Variants in ROCK1 observed in about 807,000 individuals in gnomAD.
ROCK1 encodes rho-associated protein kinase 1.
In ROCK1, 36 loss-of-function variants were observed where a neutral mutation model predicts 196.8. The observed-to-expected ratio is 0.18, with a 90% CI of 0.14 to 0.24. The LOEUF (loss-of-function observed/expected upper bound fraction) is 0.24, where lower values mean the gene tolerates loss of function less well. Ranked by LOEUF, ROCK1 falls within the 10% of genes least tolerant of loss-of-function variation. ROCK1 has a pLI of 1.00. For missense variants in ROCK1, 920 were observed against 1,562.0 expected (o/e 0.59, Z 6.93); for synonymous variants, 443 against 515.9 (o/e 0.86, Z 1.91).
chr18:20,996,407 C>T (rs1671258165), intron 16 of ROCK1, among the ~76,000 whole-genome samples: 1 of 152,002 alleles, frequency 6.6e-6, no homozygotes, highest in Admixed American at 6.6e-5. Flanking sequence ...ATGGAACATG[C>T]ATATAAGATC....
chr18:21,044,705 T>A (rs2036140111), intron 5 of ROCK1, among the ~76,000 whole-genome samples: 1 of 152,202 alleles, frequency 6.6e-6, no homozygotes, highest in Admixed American at 6.5e-5. Flanking sequence ...TCAAAGTGTT[T>A]AACTCCTGGC....
At chr18:21,060,827 G>A (rs1404097549) in intron 2 of ROCK1, among the ~76,000 whole-genome samples, 6 of 91,874 alleles carry the variant, frequency 6.5e-5, no homozygotes, top group South Asian at 3.6e-4. Context: ...CGAGAAGAGC[G>A]AAACTCCATC....
At chr18:21,062,069 T>C (rs1161983553) in intron 2 of ROCK1, among the ~76,000 whole-genome samples, 1 of 152,192 alleles carries the variant, frequency 6.6e-6, no homozygotes, top group African/African-American at 2.4e-5. Context: ...TGCATACATA[T>C]ATTTCCTAGC....
At chr18:20,968,586 A>G (rs1028752579) in intron 25 of ROCK1, 186 bp downstream of exon 25, 2 of 539,552 alleles carry the variant, frequency 3.7e-6, no homozygotes. Context: ...GATTACAGGC[A>G]TGAGCCACCG....
chr18:21,006,146 A>G (rs1034150060), intron 16 of ROCK1, among the ~76,000 whole-genome samples: 1 of 152,234 alleles, frequency 6.6e-6, no homozygotes, highest in African/African-American at 2.4e-5. Flanking sequence ...GACACACACA[A>G]CATGGATAAA....
At chr18:21,037,488 A>G (rs992481709) in intron 9 of ROCK1, among the ~76,000 whole-genome samples, 10 of 152,180 alleles carry the variant, frequency 6.6e-5, no homozygotes, top group African/African-American at 2.4e-4. Context: ...GTTCAGAATA[A>G]AAGAATTCTT....
intron 1 of ROCK1, among the ~76,000 whole-genome samples, chr18:21,109,920 G>A (rs1266358901): frequency 7.2e-5 from 11 of 152,000 alleles, no homozygotes; most frequent in African/African-American, 2.4e-4. Flanking sequence ...CATGCTCCCT[G>A]AAACCTTATT....
rs760939750 is a variant in ROCK1 at position 20,970,307 on chromosome 18, TTAAA to T, written c.2820+37_2820+40del. The T allele has an allele frequency of 4.0e-6, 6 of 1,515,160 alleles. No homozygotes were observed. The Admixed American group carries it at 5.1e-5, about 13-fold the overall frequency. 93.9% of individuals were successfully genotyped at this position (1,515,160 alleles called of 1,614,324 possible). A position where few individuals can be genotyped will look rare whatever the true frequency, so the allele number is the denominator to read the frequency against. ...ATTTTAAGATGTGACCTATTGTGAT[TTAAA>T]TAAATTTTATATAACTTACCTGACT... On this transcript the variant is annotated intron_variant, in intron 23 of 32. Transcript: ENST00000399799.
chr18:21,084,391 G>A (rs566682775), intron 1 of ROCK1, among the ~76,000 whole-genome samples: 15 of 152,066 alleles, frequency 9.9e-5, no homozygotes, highest in Admixed American at 2.0e-4. Context: ...AGATTATTAC[G>A]CAAAATATGT....
At chr18:21,096,248 G>A (rs2036612004) in intron 1 of ROCK1, among the ~76,000 whole-genome samples, 1 of 150,470 alleles carries the variant, frequency 6.6e-6, no homozygotes, top group South Asian at 2.1e-4. Context: ...CACACAGGCT[G>A]AAGTGCAGTG....
chr18:21,006,318 C>T (rs765988928), intron 16 of ROCK1, 33 bp downstream of exon 16: 44 of 1,518,184 alleles, frequency 2.9e-5, no homozygotes, highest in Non-Finnish European at 3.7e-5. Context: ...TTTCATGTTA[C>T]GTATATTTTA....
chr18:21,032,397 A>G (rs2036016274), intron 9 of ROCK1, among the ~76,000 whole-genome samples: 1 of 152,174 alleles, frequency 6.6e-6, no homozygotes, highest in Non-Finnish European at 1.5e-5. Flanking sequence ...GGAAAAGAAG[A>G]AGGAATCAAA....
chr18:21,053,835 G>GA (rs113993418), intron 2 of ROCK1, among the ~76,000 whole-genome samples: 1,531 of 150,174 alleles, frequency 0.01, 19 homozygotes, highest in African/African-American at 0.036. Flanking sequence ...TTAGGGGAGG[G>GA]AAAAAAAAAG....
At chr18:21,006,136 G>GAC (rs1001382016) in intron 16 of ROCK1, among the ~76,000 whole-genome samples, 16 of 152,264 alleles carry the variant, frequency 1.1e-4, no homozygotes, top group African/African-American at 3.6e-4. Flanking sequence ...AGGAAAATCT[G>GAC]ACACACACAA....
At chr18:21,029,161 T>TTATC (rs1341279307) in intron 9 of ROCK1, among the ~76,000 whole-genome samples, 3 of 152,162 alleles carry the variant, frequency 2.0e-5, no homozygotes, top group African/African-American at 7.2e-5. Context: ...TCACCTATAA[T>TTATC]TATCTATACC....
In ROCK1 at chr18:21,044,048, A is replaced by T; in HGVS notation, c.675+54T>A. The T allele has an allele frequency of 2.8e-6, 3 of 1,054,464 alleles. No homozygotes were observed. The South Asian group carries it at 4.0e-5, about 14-fold the overall frequency. The allele number at this position is 1,054,464 out of a possible 1,614,324, so 65.3% of individuals were successfully genotyped here. ...TAAAGAATTCTTAAACCATTTTCTA[A>T]AGAAGCATCTACCTTGAATTAGCAA... is the stretch of plus-strand genomic sequence containing the variant. On this transcript the variant is annotated intron_variant, in intron 6 of 32. Transcript: ENST00000399799.
At chr18:21,041,585 C>T (rs2036107361) in intron 8 of ROCK1, among the ~76,000 whole-genome samples, 1 of 151,852 alleles carries the variant, frequency 6.6e-6, no homozygotes, top group African/African-American at 2.4e-5. Context: ...ACTATTATGT[C>T]TAGAAGAAAA....
intron 18 of ROCK1, among the ~76,000 whole-genome samples, chr18:20,988,078 T>C (rs146645168): frequency 6.6e-5 from 10 of 152,160 alleles, no homozygotes; most frequent in Admixed American, 5.9e-4. Flanking sequence ...TTTTTTTTCT[T>C]TTTTTGAGAT....
At position 20,959,628 on chromosome 18, in the gene ROCK1, T is replaced by C. The variant is rs187634001; in HGVS notation, c.3512+212A>G. Among the ~76,000 whole-genome samples, 390 of 151,540 alleles carry C rather than the reference T, an allele frequency of 2.6e-3. 1 individual carries two copies. The highest frequency in any genetic ancestry group is 3.5e-3 in the Non-Finnish European group (239 of 67,910). ...CTACTAAACACTTGAACTAAAAAAG[T>C]TGTCTTCCAAATACATGAAATAAGT... On this transcript the variant is annotated intron_variant, in intron 29 of 32. Transcript: ENST00000399799.
Sources: gnomAD v4.1 joint callset for allele counts (sites outside exome capture counted in the v4.1 genomes callset) on GRCh38, gnomAD v4.1.1 for gene constraint, MANE v1.5 for transcripts, NCBI Gene and HGNC (gene_info 2026-07-23, HGNC 2026-07-21) for gene names.